The following SLC4A4 variants were observed in gnomAD, a reference collection of about 807,000 sequenced individuals.
SLC4A4 encodes electrogenic sodium bicarbonate cotransporter 1.
In SLC4A4, 27 loss-of-function variants were observed where a neutral mutation model predicts 111.5. That is an observed-to-expected ratio of 0.24 (90% CI 0.18 to 0.33). The LOEUF is 0.33. Among genes scored for constraint, SLC4A4 ranks in the 10% least tolerant of loss-of-function variants. The pLI, the probability that SLC4A4 is intolerant of heterozygous loss-of-function variation, is 1.00. For missense variants in SLC4A4, 909 were observed against 1,315.5 expected, an observed-to-expected ratio of 0.69 and a Z score of 4.78; for synonymous variants, 443 against 463.4, an observed-to-expected ratio of 0.96 and a Z score of 0.57.
At chr4:71,281,043 C>G (rs567462264) in intron 3 of SLC4A4, among the ~76,000 whole-genome samples, 2 of 152,014 alleles carry the variant, frequency 1.3e-5, no homozygotes, top group Admixed American at 1.3e-4. Flanking sequence ...TTTTTTTGAG[C>G]AGCTGAATCT....
intron 12 of SLC4A4, among the ~76,000 whole-genome samples, chr4:71,466,189 GC>G (rs1727293564): frequency 6.6e-6 from 1 of 152,078 alleles, no homozygotes; most frequent in Non-Finnish European, 1.5e-5. Flanking sequence ...CTACACACCA[GC>G]CATCATAGTA....
intron 1 of SLC4A4, among the ~76,000 whole-genome samples, chr4:71,231,491 G>C (rs936791435): frequency 6.6e-6 from 1 of 152,212 alleles, no homozygotes; most frequent in African/African-American, 2.4e-5. Flanking sequence ...AAATCATTGT[G>C]GTGTCCCAGA....
intron 7 of SLC4A4, among the ~76,000 whole-genome samples, chr4:71,419,952 G>C (rs1328980788): frequency 6.6e-6 from 1 of 152,232 alleles, no homozygotes; most frequent in Admixed American, 6.5e-5. Context: ...CCAAAGGAAA[G>C]CAGTTCCTCA....
At chr4:71,109,146 TG>T (rs1743023328) in intron 2 of SLC4A4, among the ~76,000 whole-genome samples, 1 of 152,184 alleles carries the variant, frequency 6.6e-6, no homozygotes, top group Non-Finnish European at 1.5e-5. Context: ...TTGCTGTTTT[TG>T]TTTTTGTTTT....
In SLC4A4 at chr4:71,534,102, A is replaced by G. The variant is rs1056618735; in HGVS notation, c.2281-125A>G. ...AATAATCTTCATTCTCTAGCTCATA[A>G]CTGTTTATATTTCTCAATATGTTGG... is the stretch of plus-strand genomic sequence containing the variant. On this transcript the variant is annotated intron_variant, in intron 17 of 25. Transcript: ENST00000264485. 3.8e-6 allele frequency: 3 copies of G among 790,454 alleles called. No homozygotes were observed. The South Asian group carries it at 4.5e-5, about 12-fold the overall frequency. 49.0% of individuals were successfully genotyped at this position (790,454 alleles called of 1,614,324 possible). A position where few individuals can be genotyped will look rare whatever the true frequency, so the allele number is the denominator to read the frequency against.
upstream of SLC4A4, among the ~76,000 whole-genome samples, chr4:71,185,129 T>C (rs1745409824): frequency 6.6e-6 from 1 of 152,252 alleles, no homozygotes. Context: ...AAGTTTGATA[T>C]ATTTTGCAGC....
At chr4:71,129,772 A>C (rs1743653061) in intron 2 of SLC4A4, among the ~76,000 whole-genome samples, 1 of 120,802 alleles carries the variant, frequency 8.3e-6, no homozygotes. Flanking sequence ...TACATCATGG[A>C]ATACCATGCA....
Position 71,440,828 on chromosome 4 carries a change from C to G in SLC4A4, c.965+55C>G, listed in dbSNP as rs1309482568. ...ATGTGCTAATAGGGTTATCTCCTCC[C>G]ATTCAGGCTGGAGAATCAATAGAAT... On this transcript the variant is annotated intron_variant, in intron 8 of 25. Transcript: ENST00000264485. 1.6e-5 allele frequency: 26 copies of G among 1,576,728 alleles called. No individual in the cohort carries two copies. In the East Asian group the frequency reaches 5.8e-4, roughly 35 times the overall value.
intron 16 of SLC4A4, among the ~76,000 whole-genome samples, chr4:71,531,799 AC>A (rs1733946618): frequency 1.1e-4 from 17 of 147,944 alleles, no homozygotes; most frequent in East Asian, 5.9e-4. Flanking sequence ...ACACACACAC[AC>A]ACACAGAAAG....
At chr4:71,509,813 TG>T (rs1345325515) in intron 16 of SLC4A4, among the ~76,000 whole-genome samples, 1 of 152,100 alleles carries the variant, frequency 6.6e-6, no homozygotes, top group Non-Finnish European at 1.5e-5. Context: ...GTTTGAGCAA[TG>T]GGTTCTTAGT....
chr4:71,073,236 C>G lies in SLC4A4; in HGVS notation c.-65+10448C>G, dbSNP rs574618741. On this transcript the variant is annotated intron_variant, in intron 1 of 26. Coordinates refer to the SLC4A4 transcript ENST00000649996. ...CATCTACACATTATGAAGTTTATCTCTTCCTTTGCTATTTTTATACCTAAT... is the reference window on the plus strand; with the variant it reads ...CATCTACACATTATGAAGTTTATCTGTTCCTTTGCTATTTTTATACCTAAT... Among the ~76,000 whole-genome samples, 3 of 152,252 alleles carry G rather than the reference C, an allele frequency of 2.0e-5. No individual in the cohort carries two copies. In the South Asian group the frequency reaches 6.2e-4, roughly 32 times the overall value.
intron 4 of SLC4A4, among the ~76,000 whole-genome samples, chr4:71,346,852 G>T (rs1028588742): frequency 6.6e-6 from 1 of 152,090 alleles, no homozygotes; most frequent in Non-Finnish European, 1.5e-5. Context: ...ACATTTTAAA[G>T]CAATTTAATA....
chr4:71,240,079 C>T (rs778203585), intron 2 of SLC4A4, among the ~76,000 whole-genome samples: 6 of 152,092 alleles, frequency 3.9e-5, no homozygotes, highest in African/African-American at 1.4e-4. Flanking sequence ...TTGCTAATTA[C>T]GTAGCAATTA....
intron 18 of SLC4A4, among the ~76,000 whole-genome samples, chr4:71,534,795 A>G (rs1734266748): frequency 6.6e-6 from 1 of 152,134 alleles, no homozygotes; most frequent in Non-Finnish European, 1.5e-5. Flanking sequence ...GATTATTCAG[A>G]TAGTTCATGG....
In SLC4A4 at chr4:71,192,901, G is replaced by C. The variant is rs145779367; in HGVS notation, c.-2+5500G>C. ...CCACTCTCCTAATTTCTGAGATAAT[G>C]GTTACTTTCACCTCTCATTGAACTT... On this transcript the variant is annotated intron_variant, in intron 1 of 25. Coordinates refer to ENST00000264485, the MANE Select transcript of SLC4A4 (RefSeq NM_001098484.3). 3.9e-4 allele frequency among the ~76,000 whole-genome samples: 59 copies of C among 152,218 alleles called. 5 individuals carry two copies. Among genetic ancestry groups the C allele is most frequent in the East Asian group, 3.3e-3 (17 of 5,184 alleles).
intron 7 of SLC4A4, among the ~76,000 whole-genome samples, chr4:71,421,146 C>A: frequency 6.6e-6 from 1 of 151,076 alleles, no homozygotes; most frequent in South Asian, 2.1e-4. Context: ...GGAAGATCTA[C>A]CAAGCAAATG....
chr4:71,109,984 C>T (rs967202507), intron 2 of SLC4A4, among the ~76,000 whole-genome samples: 5 of 152,116 alleles, frequency 3.3e-5, no homozygotes, highest in African/African-American at 1.2e-4. Context: ...GGATGGGTAG[C>T]TATTGCTGAG....
intron 3 of SLC4A4, among the ~76,000 whole-genome samples, chr4:71,313,353 C>G (rs1578814070): frequency 6.6e-6 from 1 of 152,134 alleles, no homozygotes; most frequent in South Asian, 2.1e-4. Flanking sequence ...CCATATGGCC[C>G]AGAGTAATTT....
intron 16 of SLC4A4, among the ~76,000 whole-genome samples, chr4:71,501,177 G>A (rs1000088389): frequency 1.5e-4 from 23 of 151,846 alleles, no homozygotes; most frequent in African/African-American, 5.3e-4. Context: ...TCACCTCCCT[G>A]GTTAAATTTA....
Sources: gnomAD v4.1 joint callset for allele counts (sites outside exome capture counted in the v4.1 genomes callset) on GRCh38, gnomAD v4.1.1 for gene constraint, MANE v1.5 for transcripts, NCBI Gene and HGNC (gene_info 2026-07-23, HGNC 2026-07-21) for gene names.